Variants in FAM13A observed in about 807,000 individuals in gnomAD.
FAM13A encodes family with sequence similarity 13 member A, also known as protein FAM13A.
In FAM13A, 76 loss-of-function variants were observed where a neutral mutation model predicts 129.6. The ratio of observed to expected loss-of-function variants is 0.59; its 90% CI spans 0.49 to 0.71. The LOEUF (loss-of-function observed/expected upper bound fraction) is 0.71. Ranked by LOEUF, FAM13A falls within the 30% of genes least tolerant of loss-of-function variation. FAM13A has a pLI of 0.00. For missense variants in FAM13A, 1,108 were observed against 1,249.3 expected, an observed-to-expected ratio of 0.89 and a Z score of 1.70; for synonymous variants, 443 against 449.9, an observed-to-expected ratio of 0.98 and a Z score of 0.20.
chr4:88,755,930 C>T (rs1449044717), intron 14 of FAM13A, among the ~76,000 whole-genome samples: 1 of 152,252 alleles, frequency 6.6e-6, no homozygotes, highest in Admixed American at 6.5e-5. Flanking sequence ...GTAGGGACTA[C>T]AGGCGCATAC....
intron 5 of FAM13A, among the ~76,000 whole-genome samples, chr4:88,913,460 AGAAGAG>A (rs1160576279): frequency 2.3e-4 from 34 of 145,226 alleles, no homozygotes; most frequent in East Asian, 6.6e-4. Flanking sequence ...AGGAAGAAGA[AGAAGAG>A]GAGGAGGAGG....
At chr4:88,732,756 GAA>G (rs1269580607) in intron 21 of FAM13A, among the ~76,000 whole-genome samples, 1 of 151,768 alleles carries the variant, frequency 6.6e-6, no homozygotes, top group Non-Finnish European at 1.5e-5. Flanking sequence ...TAAGAAGACT[GAA>G]AGATATTATA....
intron 8 of FAM13A, among the ~76,000 whole-genome samples, chr4:88,798,458 C>T (rs1183556000): frequency 2.6e-5 from 4 of 152,104 alleles, no homozygotes; most frequent in Non-Finnish European, 4.4e-5. Context: ...CACAACTCGG[C>T]TCTAGATGGT....
At chr4:88,843,796 C>A (rs1384778565) in intron 7 of FAM13A, among the ~76,000 whole-genome samples, 1 of 152,180 alleles carries the variant, frequency 6.6e-6, no homozygotes, top group Non-Finnish European at 1.5e-5. Flanking sequence ...ATGTTACGAG[C>A]CTTGTAAAAC....
At chr4:88,931,587 C>G (rs932588810) in intron 5 of FAM13A, among the ~76,000 whole-genome samples, 1 of 152,138 alleles carries the variant, frequency 6.6e-6, no homozygotes, top group Non-Finnish European at 1.5e-5. Flanking sequence ...ACTTACTATT[C>G]TGGTCCCTCT....
intron 3 of FAM13A, among the ~76,000 whole-genome samples, chr4:89,006,982 G>C (rs1201053538): frequency 1.3e-5 from 2 of 152,098 alleles, no homozygotes; most frequent in Non-Finnish European, 1.5e-5. Context: ...GCACAGGATA[G>C]GGGGGCAGGA....
chr4:88,921,457 C>T (rs534793526), intron 5 of FAM13A, among the ~76,000 whole-genome samples: 1 of 152,208 alleles, frequency 6.6e-6, no homozygotes, highest in East Asian at 1.9e-4. Context: ...AACTAATCTT[C>T]ATAAGTGAAG....
At chr4:88,914,379 G>A (rs536498021) in intron 5 of FAM13A, among the ~76,000 whole-genome samples, 39 of 152,260 alleles carry the variant, frequency 2.6e-4, no homozygotes, top group Admixed American at 2.5e-3. Flanking sequence ...CAGTCCCAAT[G>A]ATCTAGCTCT....
Position 88,906,505 on chromosome 4 carries a change from C to T in FAM13A, c.760-43G>A, listed in dbSNP as rs1459677300. ...AGGAAACATTAGAGATTAAAGAACACTTACCCTAACCAAAAATTACAAGGT... is the reference window on the plus strand; with the variant it reads ...AGGAAACATTAGAGATTAAAGAACATTTACCCTAACCAAAAATTACAAGGT... On this transcript the variant is annotated intron_variant, in intron 5 of 23. Coordinates refer to ENST00000264344, the MANE Select transcript of FAM13A (RefSeq NM_014883.4). 4 of 1,332,772 alleles carry T rather than the reference C, an allele frequency of 3.0e-6. No homozygotes were observed. In the East Asian group the frequency reaches 7.2e-5, roughly 24 times the overall value. 82.6% of individuals were successfully genotyped at this position (1,332,772 alleles called of 1,614,324 possible). A position where few individuals can be genotyped will look rare whatever the true frequency, so the allele number is the denominator to read the frequency against.
intron 4 of FAM13A, among the ~76,000 whole-genome samples, chr4:88,947,501 T>C (rs1756119936): frequency 6.6e-6 from 1 of 151,986 alleles, no homozygotes; most frequent in East Asian, 1.9e-4. Flanking sequence ...GCCAGAAAAA[T>C]CAGGAGAGAG....
At chr4:88,953,310 C>G (rs980418461) in intron 4 of FAM13A, among the ~76,000 whole-genome samples, 6 of 151,888 alleles carry the variant, frequency 4.0e-5, no homozygotes, top group Non-Finnish European at 8.8e-5. Context: ...CAAAAATTAG[C>G]CGGGCGTGGT....
chr4:88,791,401 C>G (rs867881896), intron 8 of FAM13A, among the ~76,000 whole-genome samples: 2 of 152,096 alleles, frequency 1.3e-5, no homozygotes, highest in Middle Eastern at 3.2e-3. Flanking sequence ...CTTTCCCCCT[C>G]ATGCCTGCAC....
intron 8 of FAM13A, among the ~76,000 whole-genome samples, chr4:88,804,184 C>T (rs1042435666): frequency 3.3e-5 from 5 of 151,948 alleles, no homozygotes; most frequent in Non-Finnish European, 7.4e-5. Flanking sequence ...ACCCGGGAGG[C>T]GGAGGTTGCA....
At chr4:88,937,307 A>G (rs138990192) in intron 5 of FAM13A, 1 of 152,328 alleles carries the variant, frequency 6.6e-6, no homozygotes, top group Non-Finnish European at 1.5e-5. Flanking sequence ...ATGAATCAGC[A>G]AAGAGTATGT....
chr4:88,797,116 T>C (rs927491666), intron 8 of FAM13A, among the ~76,000 whole-genome samples: 3 of 152,132 alleles, frequency 2.0e-5, no homozygotes, highest in Non-Finnish European at 4.4e-5. Context: ...GATCTCTAGG[T>C]CCTACTAATT....
rs540506953 is a variant in FAM13A, at chr4:88,964,820, G to T, written c.605+26153C>A. Among the ~76,000 whole-genome samples the T allele has an allele frequency of 5.3e-5, 8 of 151,998 alleles. No individual in the cohort carries two copies. The East Asian group carries it at 1.5e-3, about 29-fold the overall frequency. On this transcript the variant is annotated intron_variant, in intron 4 of 23. Transcript: ENST00000264344. ...TTTTTGTGTTTTTAGTAAAGACAGG[G>T]TTTCACCACATTGGCCGGGCTGGTC...
chr4:88,893,269 G>A (rs750109548), intron 6 of FAM13A, among the ~76,000 whole-genome samples: 7 of 152,140 alleles, frequency 4.6e-5, no homozygotes, highest in Non-Finnish European at 1.0e-4. Flanking sequence ...AGGTTGACAG[G>A]GGGCTCTGCT....
At chr4:88,981,451 G>A (rs974135104) in intron 4 of FAM13A, among the ~76,000 whole-genome samples, 1 of 152,186 alleles carries the variant, frequency 6.6e-6, no homozygotes, top group African/African-American at 2.4e-5. Context: ...TGAATCTCAT[G>A]CATACCCAAT....
chr4:89,046,052 A>T (rs1413541749), intron 1 of FAM13A, among the ~76,000 whole-genome samples: 1 of 151,664 alleles, frequency 6.6e-6, no homozygotes, highest in African/African-American at 2.4e-5. Flanking sequence ...AAAAATAAAA[A>T]AAATTATGAG....
Sources: allele counts gnomAD v4.1 joint callset (sites outside exome capture counted in the v4.1 genomes callset), GRCh38; gene constraint gnomAD v4.1.1; transcripts MANE v1.5; gene names NCBI Gene and HGNC (gene_info 2026-07-23, HGNC 2026-07-21).